HEATR5A: variants seen among roughly 807,000 people sequenced by gnomAD.
The protein encoded by HEATR5A is HEAT repeat-containing protein 5A.
A neutral mutation model predicts 218.8 loss-of-function variants in HEATR5A; 178 were observed. The ratio of observed to expected loss-of-function variants is 0.81; its 90% CI spans 0.72 to 0.92. The LOEUF (loss-of-function observed/expected upper bound fraction) is 0.92. Among genes scored for constraint, HEATR5A ranks in the 40% least tolerant of loss-of-function variants. The probability of loss-of-function intolerance (pLI) is 0.00; values close to 1 mark genes in which losing one functional copy is unlikely to be tolerated. For missense variants in HEATR5A, 2,420 were observed against 2,418.9 expected (o/e 1.00, Z -0.01); for synonymous variants, 864 against 871.6 (o/e 0.99, Z 0.15).
intron 29 of HEATR5A, 44 bp from the exon 30 acceptor site, chr14:31,308,064 T>G (rs1899612573): frequency 6.5e-7 from 1 of 1,530,034 alleles, no homozygotes. Context: ...TTCAAATTAT[T>G]AGTTTATGAA....
At chr14:31,321,720 G>A (rs1361926651) in intron 24 of HEATR5A, 40 bp from the exon 25 acceptor site, 2 of 1,430,814 alleles carry the variant, frequency 1.4e-6, no homozygotes, top group Non-Finnish European at 1.9e-6. Flanking sequence ...AAAAAGATTA[G>A]AAAATATCAA....
intron 14 of HEATR5A, among the ~76,000 whole-genome samples, chr14:31,363,435 T>C (rs1218606955): frequency 6.6e-6 from 1 of 152,098 alleles, no homozygotes; most frequent in African/African-American, 2.4e-5. Context: ...GACATATCAC[T>C]AAGCTATGAT....
At chr14:31,295,884 C>A in intron 34 of HEATR5A, 25 bp downstream of exon 34, 1 of 1,605,452 alleles carries the variant, frequency 6.2e-7, no homozygotes, top group Non-Finnish European at 8.5e-7. Flanking sequence ...CTATTACATA[C>A]ATCTTTCTGC....
At position 31,292,986 on chromosome 14, in the gene HEATR5A, G is replaced by A. The variant is rs780873120; in HGVS notation, c.*319C>T. Reference sequence around the variant, plus strand: ...AGTATTAAGTATACCACATATGTATGGACTGTTAGAAGAAATTCATTTCAT... The same window carrying A: ...AGTATTAAGTATACCACATATGTATAGACTGTTAGAAGAAATTCATTTCAT... On this transcript the variant is annotated 3_prime_UTR_variant, in exon 36 of 36. Coordinates refer to ENST00000543095, the MANE Select transcript of HEATR5A (RefSeq NM_015473.4). 2 of 246,180 alleles carry A rather than the reference G, an allele frequency of 8.1e-6. No homozygotes were observed. Among genetic ancestry groups the A allele is most frequent in the Non-Finnish European group, 1.6e-5 (2 of 128,230 alleles). The allele number at this position is 246,180 out of a possible 1,614,324, so 15.2% of individuals were successfully genotyped here. A position where few individuals can be genotyped will look rare whatever the true frequency, so the allele number is the denominator to read the frequency against.
At chr14:31,395,153 T>C in intron 5 of HEATR5A, 46 bp downstream of exon 5, 1 of 1,324,770 alleles carries the variant, frequency 7.5e-7, no homozygotes, top group Non-Finnish European at 1.0e-6. Flanking sequence ...GCTGATTTAC[T>C]TTTCTTTATA....
At chr14:31,343,088 CTT>C (rs200758726) in intron 21 of HEATR5A, among the ~76,000 whole-genome samples, 12 of 139,736 alleles carry the variant, frequency 8.6e-5, no homozygotes, top group Admixed American at 1.4e-4. Context: ...CATGGTAAAT[CTT>C]TTTTTTTTTT....
chr14:31,319,408 C>A (rs1900015841), intron 25 of HEATR5A, among the ~76,000 whole-genome samples: 1 of 152,180 alleles, frequency 6.6e-6, no homozygotes, highest in Non-Finnish European at 1.5e-5. Flanking sequence ...CTACCTCGGC[C>A]TCCCAAAGTG....
intron 11 of HEATR5A, among the ~76,000 whole-genome samples, chr14:31,378,203 C>T (rs1402726126): frequency 1.3e-5 from 2 of 152,172 alleles, no homozygotes; most frequent in African/African-American, 4.8e-5. Flanking sequence ...ACATTTGAGG[C>T]TTTGAGAGCC....
intron 33 of HEATR5A, among the ~76,000 whole-genome samples, chr14:31,300,217 T>C (rs1168941112): frequency 1.3e-5 from 2 of 152,148 alleles, no homozygotes; most frequent in African/African-American, 4.8e-5. Flanking sequence ...ATTGTTCTAC[T>C]TGCCTTCCCT....
Position 31,388,985 on chromosome 14 carries a change from G to A in HEATR5A, c.793C>T (p.Arg265Cys), listed in dbSNP as rs769467378. 6.2e-6 allele frequency: 10 copies of A among 1,612,198 alleles called. No homozygotes were observed. Among genetic ancestry groups the A allele is most frequent in the South Asian group, 2.2e-5 (2 of 90,920 alleles). ...PGTAASRQSI[R>C]RVSLEEVLEL... The stretch of plus-strand genomic sequence containing the variant: ...AGAACTTCCTCCAAAGATACTCTGC[G>A]AATGCTTTGACGTGAGGCTGCTATG... The change falls in exon 7 of 36, where the codon CGC (arginine) becomes TGC (cysteine). Residue 265 changes from arginine to cysteine, a missense_variant. Coordinates refer to ENST00000543095, the MANE Select transcript of HEATR5A (RefSeq NM_015473.4).
At chr14:31,334,862 C>T (rs186763887) in intron 22 of HEATR5A, among the ~76,000 whole-genome samples, 5 of 143,254 alleles carry the variant, frequency 3.5e-5, no homozygotes, top group East Asian at 4.3e-4. Flanking sequence ...AGGAGAATGG[C>T]GGAAACCCGG....
intron 24 of HEATR5A, 122 bp from the exon 25 acceptor site, chr14:31,321,802 ACT>A (rs1196753263): frequency 4.2e-6 from 3 of 706,214 alleles, no homozygotes; most frequent in Non-Finnish European, 4.7e-6. Flanking sequence ...GACTTGATAT[ACT>A]GTTTTTGCTG....
intron 13 of HEATR5A, 22 bp from the exon 14 acceptor site, chr14:31,364,320 T>C (rs1901728471): frequency 8.1e-7 from 1 of 1,230,806 alleles, no homozygotes; most frequent in Non-Finnish European, 1.1e-6. Context: ...AGAAAAAGTG[T>C]ATCTTAAGTG....
chr14:31,320,502 A>G (rs1900058745), intron 25 of HEATR5A: 1 of 1,308,338 alleles, frequency 7.6e-7, no homozygotes. Flanking sequence ...TGGAGTGGGG[A>G]GCTGCTGTAG....
intron 4 of HEATR5A, among the ~76,000 whole-genome samples, 168 bp from the exon 5 acceptor site, chr14:31,395,516 G>A (rs143043163): frequency 2.6e-4 from 40 of 152,244 alleles, no homozygotes; most frequent in African/African-American, 8.7e-4. Context: ...AATATTATTT[G>A]AAAAGTTACT....
rs2030236850 is a variant in HEATR5A at position 31,386,675 on chromosome 14, T to C, written c.1190-100A>G. The C allele has an allele frequency of 4.1e-6, 4 of 980,210 alleles. No homozygotes were observed. In the South Asian group the frequency reaches 5.1e-5, roughly 13 times the overall value. The allele number at this position is 980,210 out of a possible 1,614,324, so 60.7% of individuals were successfully genotyped here. A position where few individuals can be genotyped will look rare whatever the true frequency, so the allele number is the denominator to read the frequency against. ...AGGTATAACGGCAAAAATTTACACA[T>C]ACACTTGATCTATATGAAATACTTG... On this transcript the variant is annotated intron_variant, in intron 8 of 35. Coordinates refer to ENST00000543095, the MANE Select transcript of HEATR5A (RefSeq NM_015473.4).
rs546708538 is a variant in HEATR5A, at chr14:31,416,935, C to A, written c.-75+3537G>T. Among the ~76,000 whole-genome samples, 197 of 152,076 alleles carry A rather than the reference C, an allele frequency of 1.3e-3. No individual in the cohort carries two copies. In the Middle Eastern group the frequency reaches 0.014, roughly 11 times the overall value. Reference sequence around the variant, plus strand: ...TGGGCGACATAGCAAAACCGCCTCTCTACAAAAAATACAAAATATTAGCTG... The same window carrying A: ...TGGGCGACATAGCAAAACCGCCTCTATACAAAAAATACAAAATATTAGCTG... On this transcript the variant is annotated intron_variant, in intron 1 of 35. Coordinates refer to ENST00000543095, the MANE Select transcript of HEATR5A (RefSeq NM_015473.4).
chr14:31,379,226 C>T (rs1310579507), intron 11 of HEATR5A, among the ~76,000 whole-genome samples: 2 of 147,686 alleles, frequency 1.4e-5, no homozygotes, highest in Non-Finnish European at 3.0e-5. Context: ...AGGATTACGG[C>T]GTGAGCCACT....
At chr14:31,330,709 T>A (rs1342039561) in intron 22 of HEATR5A, among the ~76,000 whole-genome samples, 2 of 151,568 alleles carry the variant, frequency 1.3e-5, no homozygotes, top group African/African-American at 4.8e-5. Context: ...GAGAATAGCA[T>A]GAACCCAGGA....
Sources: allele counts gnomAD v4.1 joint callset (sites outside exome capture counted in the v4.1 genomes callset), GRCh38; gene constraint gnomAD v4.1.1; transcripts MANE v1.5; gene names NCBI Gene and HGNC (gene_info 2026-07-23, HGNC 2026-07-21).